The following EXOC4 variants were observed in gnomAD, a reference collection of about 807,000 sequenced individuals.
EXOC4 encodes the protein exocyst complex component 4, also known as SEC8-like 1.
A neutral mutation model predicts 107.2 loss-of-function variants in EXOC4; 71 were observed. That is an observed-to-expected ratio of 0.66 (90% CI 0.55 to 0.81). The LOEUF is 0.81. Among genes scored for constraint, EXOC4 ranks in the 30% least tolerant of loss-of-function variants. The pLI, the probability that EXOC4 is intolerant of heterozygous loss-of-function variation, is 0.00. For missense variants in EXOC4, 1,108 were observed against 1,189.6 expected (o/e 0.93, Z 1.01); for synonymous variants, 456 against 441.2 (o/e 1.03, Z -0.42).
chr7:133,779,925 G>A (rs1487325081), intron 10 of EXOC4, among the ~76,000 whole-genome samples: 1 of 152,118 alleles, frequency 6.6e-6, no homozygotes, highest in African/African-American at 2.4e-5. Flanking sequence ...CACTCTTTGG[G>A]TCCCTGCTGT....
At chr7:133,927,844 C>G (rs1266276814) in intron 13 of EXOC4, among the ~76,000 whole-genome samples, 1 of 152,160 alleles carries the variant, frequency 6.6e-6, no homozygotes, top group Non-Finnish European at 1.5e-5. Flanking sequence ...ACAGAAAAGA[C>G]AGGTCATTAA....
intron 11 of EXOC4, among the ~76,000 whole-genome samples, chr7:133,865,363 T>C (rs1585208798): frequency 6.6e-6 from 1 of 152,332 alleles, no homozygotes; most frequent in Middle Eastern, 3.4e-3. Flanking sequence ...AAATGACATA[T>C]AAATTCAGCG....
At chr7:133,951,798 C>G (rs1800697333) in intron 14 of EXOC4, among the ~76,000 whole-genome samples, 2 of 152,196 alleles carry the variant, frequency 1.3e-5, no homozygotes, top group African/African-American at 4.8e-5. Flanking sequence ...AGGTTAACCT[C>G]CAGATCTCAT....
At chr7:133,982,349 G>A (rs1396765401) in intron 14 of EXOC4, among the ~76,000 whole-genome samples, 3 of 152,248 alleles carry the variant, frequency 2.0e-5, no homozygotes, top group Non-Finnish European at 4.4e-5. Flanking sequence ...TCAGGAGATC[G>A]AGACCATCCT....
intron 7 of EXOC4, among the ~76,000 whole-genome samples, chr7:133,434,803 C>CT (rs1337559894): frequency 6.6e-6 from 1 of 152,146 alleles, no homozygotes; most frequent in African/African-American, 2.4e-5. Context: ...CCATATGTCT[C>CT]TTTGTTTTTG....
At chr7:133,342,281 T>C (rs1563026891) in intron 5 of EXOC4, among the ~76,000 whole-genome samples, 1 of 152,202 alleles carries the variant, frequency 6.6e-6, no homozygotes. Context: ...ACTGTATCTT[T>C]CCTTCATTTA....
chr7:133,671,850 C>G (rs1377732736), intron 10 of EXOC4, among the ~76,000 whole-genome samples: 4 of 152,110 alleles, frequency 2.6e-5, no homozygotes, highest in Admixed American at 6.5e-5. Flanking sequence ...CATAGGAAGA[C>G]TACAGGAAGA....
intron 10 of EXOC4, among the ~76,000 whole-genome samples, chr7:133,799,309 C>T (rs1034642972): frequency 7.2e-5 from 11 of 152,204 alleles, no homozygotes; most frequent in Admixed American, 4.6e-4. Context: ...GAGTCTGATA[C>T]CATGAAAGAC....
chr7:133,720,982 T>C (rs1795094401), intron 10 of EXOC4, among the ~76,000 whole-genome samples: 1 of 152,226 alleles, frequency 6.6e-6, no homozygotes. Context: ...GTATTTGATG[T>C]TGAAATGGTA....
chr7:133,787,963 TTATATATATATATATATA>T lies in EXOC4; in HGVS notation c.1515-29330_1515-29313del, dbSNP rs1163259405. 3.8e-3 allele frequency among the ~76,000 whole-genome samples: 157 copies of T among 40,974 alleles called. 6 individuals are homozygous for T. The highest frequency in any genetic ancestry group is 0.031 in the South Asian group (34 of 1,088). The allele number at this position is 40,974 out of a possible 152,430, so 26.9% of individuals were successfully genotyped here. A position where few individuals can be genotyped will look rare whatever the true frequency, so the allele number is the denominator to read the frequency against. On this transcript the variant is annotated intron_variant, in intron 10 of 17. Transcript: ENST00000253861. ...CTTCCCTGTGCATATATTTATATATTTATATATATATATATATATATATATATATATATATATATATAT... is the reference window on the plus strand; with the variant it reads ...CTTCCCTGTGCATATATTTATATATTTATATATATATATATATATATATAT...
chr7:133,475,127 C>T (rs1416888565), intron 7 of EXOC4, among the ~76,000 whole-genome samples: 8 of 152,068 alleles, frequency 5.3e-5, no homozygotes, highest in South Asian at 2.1e-4. Flanking sequence ...CCGCCTCTTC[C>T]CCATGAATAG....
At chr7:133,787,958 TATATTTA>T (rs1562997553) in intron 10 of EXOC4, among the ~76,000 whole-genome samples, 1,884 of 52,898 alleles carry the variant, frequency 0.036, 333 homozygotes, top group Non-Finnish European at 0.044. Flanking sequence ...CATATATTTA[TATATTTA>T]TATATATATA....
intron 11 of EXOC4, among the ~76,000 whole-genome samples, chr7:133,882,154 T>C (rs997509972): frequency 9.9e-5 from 15 of 152,236 alleles, no homozygotes; most frequent in African/African-American, 3.6e-4. Flanking sequence ...CTGTGATATT[T>C]TTCCATGTGA....
intron 9 of EXOC4, among the ~76,000 whole-genome samples, chr7:133,629,707 A>ATT (rs202204479): frequency 2.8e-5 from 4 of 142,950 alleles, no homozygotes; most frequent in Admixed American, 7.0e-5. Flanking sequence ...TGCCTGGCTA[A>ATT]TTTTTTTTTT....
chr7:133,526,598 G>A (rs1455098727), intron 9 of EXOC4, among the ~76,000 whole-genome samples: 2 of 152,192 alleles, frequency 1.3e-5, no homozygotes, highest in Admixed American at 1.3e-4. Context: ...ATTCGCAAAG[G>A]CATTTCATGT....
chr7:133,561,678 G>A (rs948981356), intron 9 of EXOC4, among the ~76,000 whole-genome samples: 12 of 152,190 alleles, frequency 7.9e-5, no homozygotes, highest in Non-Finnish European at 1.8e-4. Context: ...TCTGTGTGAA[G>A]TTAACACATT....
rs116860115 is a variant in EXOC4, at chr7:133,454,864, C to T, written c.1183-20464C>T. ...CTGTAATCCCAGCACTTTGGGATGC[C>T]GAGGCAGGTGGATCACTTGAGCTCT... is the stretch of plus-strand genomic sequence containing the variant. On this transcript the variant is annotated intron_variant, in intron 7 of 17. Coordinates refer to ENST00000253861, the MANE Select transcript of EXOC4 (RefSeq NM_021807.4). Among the ~76,000 whole-genome samples the T allele has an allele frequency of 2.6e-4, 39 of 152,084 alleles. No individual in the cohort carries two copies. In the East Asian group the frequency reaches 5.0e-3, roughly 20 times the overall value.
intron 12 of EXOC4, among the ~76,000 whole-genome samples, chr7:133,912,206 G>A (rs573823388): frequency 1.3e-5 from 2 of 152,190 alleles, no homozygotes; most frequent in Admixed American, 1.3e-4. Flanking sequence ...AAAAGGAGGG[G>A]TTTTGTTTGT....
chr7:133,632,175 C>T (rs907651937), intron 10 of EXOC4, among the ~76,000 whole-genome samples: 1 of 152,136 alleles, frequency 6.6e-6, no homozygotes, highest in Non-Finnish European at 1.5e-5. Flanking sequence ...TTCTTGACAG[C>T]TACTTGTTAA....
Sources: allele counts gnomAD v4.1 joint callset (sites outside exome capture counted in the v4.1 genomes callset), GRCh38; gene constraint gnomAD v4.1.1; transcripts MANE v1.5; gene names NCBI Gene and HGNC (gene_info 2026-07-23, HGNC 2026-07-21).